The following SLC39A12 variants were observed in gnomAD, a reference collection of about 807,000 sequenced individuals.
SLC39A12 encodes the protein zinc transporter ZIP12.
A neutral mutation model predicts 71.1 loss-of-function variants in SLC39A12; 63 were observed. That is an observed-to-expected ratio of 0.89 (90% CI 0.72 to 1.09). The LOEUF is 1.09. Ranked by LOEUF, SLC39A12 falls within the 50% of genes least tolerant of loss-of-function variation. SLC39A12 has a pLI of 0.00. For missense variants in SLC39A12, 892 were observed against 812.6 expected (o/e 1.10, Z -1.19); for synonymous variants, 351 against 301.3 (o/e 1.16, Z -1.71).
intron 12 of SLC39A12, among the ~76,000 whole-genome samples, chr10:18,030,789 C>T (rs1836824927): frequency 8.9e-6 from 1 of 112,856 alleles, no homozygotes; most frequent in Admixed American, 9.6e-5. Context: ...TATCCCTCCC[C>T]CTCCCCCCTC....
At chr10:17,978,540 G>A (rs748529037) in intron 5 of SLC39A12, among the ~76,000 whole-genome samples, 1 of 152,156 alleles carries the variant, frequency 6.6e-6, no homozygotes, top group Non-Finnish European at 1.5e-5. Flanking sequence ...GGTGACAAGA[G>A]TTGATCTCCA....
In SLC39A12 at chr10:18,003,500, T is replaced by G. The variant is rs1835896184; in HGVS notation, c.1947+142T>G. 6.8e-6 allele frequency: 5 copies of G among 735,052 alleles called. No individual in the cohort carries two copies. In the African/African-American group the frequency reaches 9.0e-5, roughly 13 times the overall value. The allele number at this position is 735,052 out of a possible 1,614,324, so 45.5% of individuals were successfully genotyped here. A position where few individuals can be genotyped will look rare whatever the true frequency, so the allele number is the denominator to read the frequency against. Reference sequence around the variant, plus strand: ...ATAAACCATTAAGGAATATTCTTTGTACTCCAAGAAAGTGCATTCTGGGCA... The same window carrying G: ...ATAAACCATTAAGGAATATTCTTTGGACTCCAAGAAAGTGCATTCTGGGCA... On this transcript the variant is annotated intron_variant, in intron 12 of 12. Transcript: ENST00000377369.
chr10:18,031,154 T>C (rs1401214252), intron 12 of SLC39A12, among the ~76,000 whole-genome samples: 1 of 146,322 alleles, frequency 6.8e-6, no homozygotes, highest in Non-Finnish European at 1.5e-5. Flanking sequence ...GTCATTTGGG[T>C]ATATACCCAG....
intron 4 of SLC39A12, among the ~76,000 whole-genome samples, chr10:17,976,583 A>C (rs1835114967): frequency 6.6e-6 from 1 of 150,790 alleles, no homozygotes; most frequent in African/African-American, 2.5e-5. Context: ...ACGCCTGGCT[A>C]ATTTTTATAT....
chr10:18,035,968 G>A (rs1836995767), intron 12 of SLC39A12, among the ~76,000 whole-genome samples: 1 of 152,306 alleles, frequency 6.6e-6, no homozygotes, highest in African/African-American at 2.4e-5. Context: ...TCGGGGGTCA[G>A]GGGTCAGGGA....
At chr10:17,993,464 T>C (rs557908448) in intron 9 of SLC39A12, among the ~76,000 whole-genome samples, 173 bp downstream of exon 9, 6 of 152,344 alleles carry the variant, frequency 3.9e-5, no homozygotes, top group African/African-American at 1.4e-4. Flanking sequence ...TGAAAGCTGT[T>C]CTAAAGAGCA....
At chr10:17,961,362 T>A (rs1234477114) in intron 2 of SLC39A12, among the ~76,000 whole-genome samples, 1 of 152,196 alleles carries the variant, frequency 6.6e-6, no homozygotes. Flanking sequence ...GCCGATCTAG[T>A]TGGAGACAGG....
At chr10:17,973,242 A>G (rs546806549) in intron 4 of SLC39A12, among the ~76,000 whole-genome samples, 3 of 152,046 alleles carry the variant, frequency 2.0e-5, no homozygotes, top group Non-Finnish European at 2.9e-5. Context: ...TTAGTTTATT[A>G]TTTAGTCTTC....
chr10:18,027,163 G>A (rs1836701660), intron 12 of SLC39A12, among the ~76,000 whole-genome samples: 1 of 152,220 alleles, frequency 6.6e-6, no homozygotes, highest in African/African-American at 2.4e-5. Context: ...ATAGGGGAAA[G>A]GGAAGGCTCT....
intron 12 of SLC39A12, among the ~76,000 whole-genome samples, chr10:18,028,030 T>C (rs1589255533): frequency 6.6e-6 from 1 of 152,232 alleles, no homozygotes; most frequent in Non-Finnish European, 1.5e-5. Flanking sequence ...GTTCTGCTTA[T>C]CAAATGCAAA....
At chr10:18,013,331 A>G (rs1250019164) in intron 12 of SLC39A12, among the ~76,000 whole-genome samples, 1 of 142,390 alleles carries the variant, frequency 7.0e-6, no homozygotes, top group Non-Finnish European at 1.5e-5. Flanking sequence ...GGTATTAGGT[A>G]AACATCCAAC....
intron 11 of SLC39A12, 48 bp downstream of exon 11, chr10:18,000,873 T>G (rs754901939): frequency 2.6e-6 from 4 of 1,550,648 alleles, no homozygotes; most frequent in Non-Finnish European, 2.7e-6. Flanking sequence ...GAGAAAGAAA[T>G]AACATCTTTC....
intron 12 of SLC39A12, among the ~76,000 whole-genome samples, chr10:18,018,796 G>C (rs1022244906): frequency 3.9e-5 from 6 of 152,216 alleles, no homozygotes; most frequent in Non-Finnish European, 8.8e-5. Context: ...TTGTTCAGCA[G>C]TCTTGCATCT....
chr10:17,995,821 G>A (rs528229368), intron 10 of SLC39A12, 99 bp downstream of exon 10: 18 of 1,013,230 alleles, frequency 1.8e-5, no homozygotes, highest in Admixed American at 7.7e-5. Flanking sequence ...TATCATATTG[G>A]GTATGTAGTT....
At chr10:17,977,030 C>A (rs1835127754) in intron 4 of SLC39A12, among the ~76,000 whole-genome samples, 1 of 151,934 alleles carries the variant, frequency 6.6e-6, no homozygotes, top group Non-Finnish European at 1.5e-5. Context: ...TTAATCTATA[C>A]TCATGTTCAG....
At chr10:17,953,086 A>C in intron 1 of SLC39A12, 105 bp from the exon 2 acceptor site, 1 of 692,522 alleles carries the variant, frequency 1.4e-6, no homozygotes, top group South Asian at 2.0e-5. Flanking sequence ...CGCTGTGTAG[A>C]AACAGCTTGT....
chr10:17,970,276 T>G (rs1428374618), intron 4 of SLC39A12, among the ~76,000 whole-genome samples: 7 of 152,212 alleles, frequency 4.6e-5, no homozygotes, highest in African/African-American at 1.2e-4. Context: ...CTGGATCTTT[T>G]GTGATTCCAT....
At chr10:18,008,824 T>A (rs1836113634) in intron 12 of SLC39A12, 1 of 152,202 alleles carries the variant, frequency 6.6e-6, no homozygotes, top group African/African-American at 2.4e-5. Flanking sequence ...TTTAATTTTC[T>A]CTTTACTTTC....
Position 17,991,240 on chromosome 10 carries a change from AG to A in SLC39A12, c.1361del (p.Gly454AlafsTer7), listed in dbSNP as rs1255392872. On this transcript the variant is annotated frameshift_variant, in exon 8 of 13. Coordinates refer to ENST00000377369, the MANE Select transcript of SLC39A12 (RefSeq NM_001145195.2). LOFTEE classifies it high-confidence loss of function. The stretch of plus-strand genomic sequence containing the variant: ...TTTGGAAACTGATGGGATTAATTGG[AG>A]GCATCCATGGATTTTTCTTGATAGA... Reference protein sequence around the residue: ...HIWKLMGLIGGIHGFFLIEKC... With the variant: ...HIWKLMGLIGXIHGFFLIEKC... 4 of 1,597,806 alleles carry A rather than the reference AG, an allele frequency of 2.5e-6. No individual in the cohort carries two copies. In the African/African-American group the frequency reaches 5.4e-5, roughly 22 times the overall value.
Sources: gnomAD v4.1 joint callset for allele counts (sites outside exome capture counted in the v4.1 genomes callset) on GRCh38, gnomAD v4.1.1 for gene constraint, MANE v1.5 for transcripts, NCBI Gene and HGNC (gene_info 2026-07-23, HGNC 2026-07-21) for gene names.